The following GTF2I variants were observed in gnomAD, a reference collection of about 807,000 sequenced individuals.
GTF2I encodes general transcription factor IIi.
In GTF2I, 12 loss-of-function variants were observed where a neutral mutation model predicts 67.6. That is an observed-to-expected ratio of 0.18 (90% CI 0.11 to 0.29). The LOEUF is 0.29. Ranked by LOEUF, GTF2I falls within the 10% of genes least tolerant of loss-of-function variation. The pLI is 1.00. For synonymous variants in GTF2I, 149 were observed against 197.0 expected, an observed-to-expected ratio of 0.76 and a Z score of 2.04; for missense variants, 271 against 580.1, an observed-to-expected ratio of 0.47 and a Z score of 5.47.
At chr7:74,708,063 G>C (rs1382469923) in intron 8 of GTF2I, among the ~76,000 whole-genome samples, 1 of 152,148 alleles carries the variant, frequency 6.6e-6, no homozygotes, top group Non-Finnish European at 1.5e-5. Flanking sequence ...ACTTTGGGAG[G>C]CTGAGGCGAG....
intron 1 of GTF2I, among the ~76,000 whole-genome samples, chr7:74,664,600 A>G (rs1384747871): frequency 1.3e-5 from 2 of 151,020 alleles, no homozygotes; most frequent in Non-Finnish European, 3.0e-5. Flanking sequence ...TGCCCGGCTA[A>G]TTTTTGTATT....
intron 1 of GTF2I, among the ~76,000 whole-genome samples, chr7:74,665,492 T>C (rs1320731136): frequency 6.6e-6 from 1 of 151,658 alleles, no homozygotes; most frequent in Non-Finnish European, 1.5e-5. Flanking sequence ...CCTCAGATGG[T>C]CCGCCCACCT....
chr7:74,692,168 T>C (rs1788381310), intron 3 of GTF2I, among the ~76,000 whole-genome samples: 1 of 151,488 alleles, frequency 6.6e-6, no homozygotes, highest in Non-Finnish European at 1.5e-5. Context: ...CCACCTCCTG[T>C]ATTCAAGCAA....
At chr7:74,733,902 G>A (rs782390618) in intron 15 of GTF2I, 21 bp from the exon 16 acceptor site, 2 of 1,609,478 alleles carry the variant, frequency 1.2e-6, no homozygotes, top group South Asian at 1.1e-5. Context: ...TGATTATTGA[G>A]TATTTATTCT....
At chr7:74,712,733 G>A (rs1186561114) in intron 9 of GTF2I, among the ~76,000 whole-genome samples, 6 of 147,744 alleles carry the variant, frequency 4.1e-5, no homozygotes, top group Non-Finnish European at 6.0e-5. Context: ...GTGAGATCTC[G>A]GCTCATTGCA....
intron 10 of GTF2I, among the ~76,000 whole-genome samples, 189 bp downstream of exon 10, chr7:74,715,105 T>A (rs1554403390): frequency 5.3e-5 from 8 of 152,056 alleles, no homozygotes. Flanking sequence ...AAATCAATTT[T>A]CCCTTTTGTG....
intron 1 of GTF2I, among the ~76,000 whole-genome samples, chr7:74,686,510 G>T (rs1350675701): frequency 1.3e-5 from 2 of 152,112 alleles, no homozygotes; most frequent in African/African-American, 4.8e-5. Context: ...GTTTTCTTTC[G>T]CTGGGGAATT....
chr7:74,675,533 A>G (rs587646337), intron 1 of GTF2I, among the ~76,000 whole-genome samples: 18 of 151,876 alleles, frequency 1.2e-4, no homozygotes, highest in Non-Finnish European at 1.2e-4. Context: ...GAGGAATCCT[A>G]TTTCTTTGAG....
chr7:74,694,009 G>T (rs1788631326), intron 3 of GTF2I, among the ~76,000 whole-genome samples: 1 of 152,214 alleles, frequency 6.6e-6, no homozygotes, highest in African/African-American at 2.4e-5. Flanking sequence ...AAGCTAGGCT[G>T]AACAGGTAGC....
intron 7 of GTF2I, among the ~76,000 whole-genome samples, chr7:74,705,890 A>G (rs1790603490): frequency 6.6e-6 from 1 of 150,892 alleles, no homozygotes; most frequent in African/African-American, 2.4e-5. Context: ...GCTACTCTGT[A>G]GTATTTTATT....
intron 1 of GTF2I, among the ~76,000 whole-genome samples, chr7:74,662,841 C>T (rs1443292363): frequency 6.6e-6 from 1 of 152,012 alleles, no homozygotes; most frequent in African/African-American, 2.4e-5. Context: ...TAATGGATTT[C>T]TTTCCGGGGA....
chr7:74,685,568 ACCAGCCTGG>A (rs1237257900), intron 1 of GTF2I, among the ~76,000 whole-genome samples: 18 of 152,174 alleles, frequency 1.2e-4, no homozygotes, highest in Admixed American at 3.9e-4. Context: ...GAAGTTCCAG[ACCAGCCTGG>A]CCAACATGGC....
At chr7:74,725,832 C>T (rs782731514) in intron 12 of GTF2I, among the ~76,000 whole-genome samples, 2 of 151,028 alleles carry the variant, frequency 1.3e-5, no homozygotes, top group Non-Finnish European at 2.9e-5. Context: ...AGTAGATTTG[C>T]CTTTTTCTCT....
rs1231508034 is a variant in GTF2I, at chr7:74,743,502, AT to A, written c.1737del (p.Phe579LeufsTer3). Reference protein sequence around the residue: ...ITKLRKQVEEIFNLKFAQALG... With the variant: ...ITKLRKQVEEXFNLKFAQALG... ...CAAGCTACGGAAGCAAGTGGAAGAG[AT>A]TTTTAATTTGAAATTTGGTAAGTAA... On this transcript the variant is annotated frameshift_variant, in exon 20 of 35. Coordinates refer to ENST00000573035, the MANE Select transcript of GTF2I (RefSeq NM_032999.4). LOFTEE classifies it high-confidence loss of function. The A allele has an allele frequency of 2.0e-5, 10 of 501,640 alleles. No individual in the cohort carries two copies. The East Asian group carries it at 3.7e-4, about 19-fold the overall frequency. 31.1% of individuals were successfully genotyped at this position (501,640 alleles called of 1,614,324 possible).
intron 8 of GTF2I, among the ~76,000 whole-genome samples, chr7:74,707,944 A>G (rs782655258): frequency 6.6e-6 from 1 of 151,814 alleles, no homozygotes; most frequent in Non-Finnish European, 1.5e-5. Context: ...ATGTACATTT[A>G]TAGCCAGGGT....
At chr7:74,663,627 G>A (rs1283076600) in intron 1 of GTF2I, among the ~76,000 whole-genome samples, 1 of 152,108 alleles carries the variant, frequency 6.6e-6, no homozygotes, top group African/African-American at 2.4e-5. Flanking sequence ...GTTAATAACT[G>A]AAAGAAAGTA....
chr7:74,707,506 CGT>C (rs1790896475), intron 8 of GTF2I, among the ~76,000 whole-genome samples: 1 of 152,120 alleles, frequency 6.6e-6, no homozygotes, highest in Non-Finnish European at 1.5e-5. Context: ...GCCGCGTTAA[CGT>C]GTGTGTGCGT....
intron 1 of GTF2I, 109 bp downstream of exon 1, chr7:74,658,177 G>C (rs1554384546): frequency 6.6e-6 from 1 of 150,952 alleles, no homozygotes; most frequent in African/African-American, 2.4e-5. Context: ...CAGGGACAGG[G>C]GCCTGGGAGC....
In GTF2I at chr7:74,698,997, A is replaced by G; in HGVS notation, c.275A>G (p.Lys92Arg). 1 of 1,501,760 alleles carries G rather than the reference A, an allele frequency of 6.7e-7. No individual in the cohort carries two copies. Among genetic ancestry groups the G allele is most frequent in the Non-Finnish European group, 9.0e-7 (1 of 1,116,306 alleles). 93.0% of individuals were successfully genotyped at this position (1,501,760 alleles called of 1,614,324 possible). A position where few individuals can be genotyped will look rare whatever the true frequency, so the allele number is the denominator to read the frequency against. ...GAAGAAAAAGCTGCAGAGATGCATA[A>G]AATGAAATCTACAACCCAGGCAAAT... Reference protein sequence around the residue: ...EEEEKAAEMHKMKSTTQANRM... With the variant: ...EEEEKAAEMHRMKSTTQANRM... Residue 92 changes from lysine to arginine, a missense_variant, in exon 4 of 35, where the codon AAA (lysine) becomes AGA (arginine). Physicochemically the swap from Lys to Arg is conservative, Grantham distance 26. Around this residue, in one of 9 missense-constraint regions of GTF2I, gnomAD observed 72 missense variants for 87.4 expected, o/e 0.82. Transcript: ENST00000573035.
Sources: allele counts gnomAD v4.1 joint callset (sites outside exome capture counted in the v4.1 genomes callset), GRCh38; gene constraint gnomAD v4.1.1; regional missense constraint gnomAD v4.1.1; transcripts MANE v1.5; gene names NCBI Gene and HGNC (gene_info 2026-07-23, HGNC 2026-07-21).